Variants in KIFC3 observed in about 807,000 individuals in gnomAD.
The protein encoded by KIFC3 is kinesin family member C3.
In KIFC3, 60 loss-of-function variants were observed where a neutral mutation model predicts 101.8. That is an observed-to-expected ratio of 0.59 (90% CI 0.48 to 0.73). The LOEUF (loss-of-function observed/expected upper bound fraction) is 0.73, where lower values mean the gene tolerates loss of function less well. Among genes scored for constraint, KIFC3 ranks in the 30% least tolerant of loss-of-function variants. KIFC3 has a pLI of 0.00. For missense variants in KIFC3, 966 were observed against 1,137.1 expected (o/e 0.85, Z 2.16); for synonymous variants, 476 against 482.7 (o/e 0.99, Z 0.18).
intron 1 of KIFC3, among the ~76,000 whole-genome samples, chr16:57,840,338 G>A (rs569419397): frequency 1.3e-5 from 2 of 151,900 alleles, no homozygotes; most frequent in East Asian, 1.9e-4. Flanking sequence ...ACTCTGTCTC[G>A]AAAACAAACA....
chr16:57,783,534 G>A lies in KIFC3; in HGVS notation c.316-11246C>T, dbSNP rs565612813. ...GTTGCCCAGGCTGGAGTGCAGTGGCGTGATCTCAGCTCACTGCAACCTTTC... is the reference window on the plus strand; with the variant it reads ...GTTGCCCAGGCTGGAGTGCAGTGGCATGATCTCAGCTCACTGCAACCTTTC... On this transcript the variant is annotated intron_variant, in intron 3 of 19. Coordinates refer to ENST00000445690, the MANE Select transcript of KIFC3 (RefSeq NM_001130100.2). Among the ~76,000 whole-genome samples the A allele has an allele frequency of 3.1e-4, 46 of 146,814 alleles. No individual in the cohort carries two copies. The South Asian group carries it at 3.8e-3, about 12-fold the overall frequency.
upstream of KIFC3, chr16:57,802,544 G>A (rs1207749348): frequency 2.0e-6 from 2 of 987,892 alleles, no homozygotes; most frequent in Admixed American, 6.2e-5. This position sits in a 1 kb window ranked among gnomAD's most constrained non-coding sequence, Gnocchi z 5.0. Context: ...GCGTTCCCAT[G>A]GCAACCGGCT....
chr16:57,802,244 G>T lies in KIFC3; in HGVS notation c.-40+126C>A. 3 of 392,220 alleles carry T rather than the reference G, an allele frequency of 7.6e-6. No individual in the cohort carries two copies. The highest frequency in any genetic ancestry group is 1.0e-5 in the Non-Finnish European group (3 of 287,378). The allele number at this position is 392,220 out of a possible 1,614,324, so 24.3% of individuals were successfully genotyped here. ...GTCTCCCGGGCCTTTCCCTCCCCGC[G>T]CCCATAGCGGGTCCGGGCAGAGGGG... On this transcript the variant is annotated intron_variant, in intron 1 of 19. Coordinates refer to ENST00000445690, the MANE Select transcript of KIFC3 (RefSeq NM_001130100.2). The surrounding 1 kb of genome is among the most constrained non-coding windows in gnomAD (Gnocchi z 5.0).
chr16:57,793,058 G>A (rs1280779446), intron 3 of KIFC3, among the ~76,000 whole-genome samples: 2 of 151,526 alleles, frequency 1.3e-5, no homozygotes, highest in South Asian at 2.1e-4. Context: ...AGGTTGAGGC[G>A]GGTAGATCAC....
chr16:57,765,675 C>G (rs782395331), intron 10 of KIFC3, 35 bp from the exon 11 acceptor site: 1 of 1,573,880 alleles, frequency 6.4e-7, no homozygotes, highest in Non-Finnish European at 8.7e-7. Context: ...TGGGTCCAGG[C>G]CATGTCAAGA....
chr16:57,856,560 A>C (rs1450517135), intron 1 of KIFC3, among the ~76,000 whole-genome samples: 1 of 152,076 alleles, frequency 6.6e-6, no homozygotes, highest in Non-Finnish European at 1.5e-5. Context: ...AAAAAAAGAA[A>C]GAAAGAAAAG....
intron 1 of KIFC3, among the ~76,000 whole-genome samples, chr16:57,857,165 T>A (rs1365740576): frequency 6.6e-6 from 1 of 152,150 alleles, no homozygotes; most frequent in Non-Finnish European, 1.5e-5. Flanking sequence ...GTGCTGTGTG[T>A]CTTCCAAGGA....
rs1555624196 is a variant in KIFC3, at chr16:57,798,298, G to GGGGA, written c.-39-20_-39-17dup. The GGGGA allele has an allele frequency of 3.2e-6, 5 of 1,543,292 alleles. No individual in the cohort carries two copies. In the Admixed American group the frequency reaches 9.8e-5, roughly 30 times the overall value. Reference sequence around the variant, plus strand: ...ACCAGGCAGCCTGCGGAGAGAACAAGGGGAGATAAGCTTGAAGACCGTGGA... The same window carrying GGGGA: ...ACCAGGCAGCCTGCGGAGAGAACAAGGGGAGGGAGATAAGCTTGAAGACCGTGGA... On this transcript the variant is annotated splice_polypyrimidine_tract_variant and intron_variant, in intron 1 of 19. Coordinates refer to ENST00000445690, the MANE Select transcript of KIFC3 (RefSeq NM_001130100.2).
intron 18 of KIFC3, 190 bp from the exon 19 acceptor site, chr16:57,759,343 G>C (rs1204190006): frequency 7.4e-6 from 5 of 674,098 alleles, no homozygotes; most frequent in Non-Finnish European, 1.2e-5. Context: ...AGGTAGGCAA[G>C]CCCGGCCCTT....
intron 3 of KIFC3, chr16:57,785,317 C>T (rs2053205654): frequency 3.7e-6 from 1 of 266,990 alleles, no homozygotes; most frequent in South Asian, 5.7e-5. Flanking sequence ...ACTCTCACCA[C>T]CCTACCCTCC....
chr16:57,789,919 T>C (rs927838116), intron 3 of KIFC3, among the ~76,000 whole-genome samples: 2 of 151,888 alleles, frequency 1.3e-5, no homozygotes, highest in Non-Finnish European at 2.9e-5. Flanking sequence ...GTATTTTTAA[T>C]AGAGACAGGG....
At chr16:57,807,325 C>T (rs1555627125), upstream of KIFC3, among the ~76,000 whole-genome samples, 5 of 152,130 alleles carry the variant, frequency 3.3e-5, no homozygotes, top group African/African-American at 1.2e-4. Flanking sequence ...ATGTCACCAA[C>T]TGCAGGTCTT....
intron 2 of KIFC3, chr16:57,797,635 C>G: frequency 3.9e-6 from 4 of 1,038,550 alleles, no homozygotes; most frequent in Non-Finnish European, 4.7e-6. Flanking sequence ...CTCCCAACGC[C>G]GTCCAGGGGC....
At chr16:57,827,185 C>T (rs1596804709) in intron 1 of KIFC3, among the ~76,000 whole-genome samples, 1 of 152,372 alleles carries the variant, frequency 6.6e-6, no homozygotes, top group East Asian at 1.9e-4. Context: ...TAAAAGGAAG[C>T]AGAGCCGTGA....
intron 1 of KIFC3, among the ~76,000 whole-genome samples, chr16:57,824,727 A>G (rs2055423500): frequency 6.6e-6 from 1 of 152,208 alleles, no homozygotes; most frequent in Non-Finnish European, 1.5e-5. Flanking sequence ...GATTCCATGT[A>G]GCCCTTTGCC....
Position 57,769,683 on chromosome 16 carries a change from G to A in KIFC3, c.1130C>T (p.Thr377Ile). 6.2e-7 allele frequency: 1 copy of A among 1,612,566 alleles called. No individual in the cohort carries two copies. Among genetic ancestry groups the A allele is most frequent in the East Asian group, 2.2e-5 (1 of 44,874 alleles). ...NLLTLQPALR[T>I]LTNDYNGLKR... ...GAGCCCATTGTAGTCGTTGGTGAGG[G>A]TCCGCAGTGCCGGCTGCAAGGTCAG... Residue 377 changes from threonine to isoleucine, a missense_variant, in exon 9 of 20, where the codon ACC becomes ATC. Physicochemically the swap from Thr to Ile is moderately conservative, Grantham distance 89. Around this residue, in one of 2 missense-constraint regions of KIFC3, gnomAD observed 689 missense variants for 884.6 expected, o/e 0.78. Transcript: ENST00000445690. The surrounding 1 kb of genome is among the most constrained non-coding windows in gnomAD (Gnocchi z 4.3).
At chr16:57,772,056 C>T (rs953006487) in intron 4 of KIFC3, among the ~76,000 whole-genome samples, 167 bp downstream of exon 4, 1 of 152,050 alleles carries the variant, frequency 6.6e-6, no homozygotes, top group African/African-American at 2.4e-5. Flanking sequence ...AGCCACAAGG[C>T]CTCTGAGGGT....
Position 57,851,081 on chromosome 16 carries a change from G to A in KIFC3, c.108+11648C>T, listed in dbSNP as rs373903106. Among the ~76,000 whole-genome samples the A allele has an allele frequency of 3.3e-5, 5 of 151,440 alleles. No homozygotes were observed. The East Asian group carries it at 5.9e-4, about 18-fold the overall frequency. Reference sequence around the variant, plus strand: ...ACTGGAGTGTAGTTGTGTGATCACCGCTCACTGCAGCCTCAAGCTCCTAGG... The same window carrying A: ...ACTGGAGTGTAGTTGTGTGATCACCACTCACTGCAGCCTCAAGCTCCTAGG... On this transcript the variant is annotated intron_variant, in intron 1 of 2. Coordinates refer to the KIFC3 transcript ENST00000563028.
chr16:57,794,155 G>A (rs2054108846), intron 3 of KIFC3, among the ~76,000 whole-genome samples: 1 of 152,110 alleles, frequency 6.6e-6, no homozygotes, highest in South Asian at 2.1e-4. Flanking sequence ...TTGATAAACA[G>A]TAGCTCTTAT....
Sources: allele counts gnomAD v4.1 joint callset (sites outside exome capture counted in the v4.1 genomes callset), GRCh38; gene constraint gnomAD v4.1.1; regional missense constraint gnomAD v4.1.1; non-coding constraint Gnocchi (gnomAD v3.1); transcripts MANE v1.5; gene names NCBI Gene and HGNC (gene_info 2026-07-23, HGNC 2026-07-21).